The following NHSL1 variants were observed in gnomAD, a reference collection of about 807,000 sequenced individuals.
NHSL1 encodes NHS-like protein 1.
Under a neutral mutation model 95.0 loss-of-function variants are expected in NHSL1, and 48 were observed. The observed-to-expected ratio is 0.51, with a 90% CI of 0.40 to 0.64. NHSL1 has a LOEUF of 0.64. Among genes scored for constraint, NHSL1 ranks in the 30% least tolerant of loss-of-function variants. NHSL1 has a pLI of 0.00. For synonymous variants in NHSL1, 783 were observed against 833.9 expected, an observed-to-expected ratio of 0.94 and a Z score of 1.05; for missense variants, 1,971 against 2,077.7, an observed-to-expected ratio of 0.95 and a Z score of 1.00.
At chr6:138,538,063 G>A (rs1031213934) in intron 1 of NHSL1, among the ~76,000 whole-genome samples, 3 of 152,106 alleles carry the variant, frequency 2.0e-5, no homozygotes, top group Non-Finnish European at 2.9e-5. Flanking sequence ...TCAAAATGTC[G>A]ACAAATCTTG....
intron 1 of NHSL1, among the ~76,000 whole-genome samples, chr6:138,599,719 G>T (rs1242900825): frequency 1.3e-5 from 2 of 152,154 alleles, no homozygotes; most frequent in Non-Finnish European, 2.9e-5. Context: ...CTCAAGGCAA[G>T]ATCTCAGGCA....
chr6:138,651,671 C>T (rs576598812), intron 1 of NHSL1, among the ~76,000 whole-genome samples: 3 of 152,298 alleles, frequency 2.0e-5, no homozygotes, highest in African/African-American at 7.2e-5. Context: ...GAAGGATCTC[C>T]TGTCTGACAA....
chr6:138,492,238 G>T (rs1583296130), intron 2 of NHSL1, among the ~76,000 whole-genome samples: 1 of 152,208 alleles, frequency 6.6e-6, no homozygotes, highest in Admixed American at 6.5e-5. Context: ...AGGAGGGAGT[G>T]GGGGAGTGAG....
chr6:138,495,162 A>C (rs945253929), intron 2 of NHSL1, among the ~76,000 whole-genome samples: 1 of 152,078 alleles, frequency 6.6e-6, no homozygotes, highest in Non-Finnish European at 1.5e-5. Context: ...AGAATGGCTC[A>C]AACCTGGGAG....
upstream of NHSL1, among the ~76,000 whole-genome samples, chr6:138,549,370 C>G (rs988490437): frequency 6.6e-6 from 1 of 152,026 alleles, no homozygotes; most frequent in Non-Finnish European, 1.5e-5. Flanking sequence ...GCAACAAGAG[C>G]AAACCTCTGT....
In NHSL1 at chr6:138,450,932, G is replaced by T. The variant is rs116742789; in HGVS notation, c.340-3739C>A. On this transcript the variant is annotated intron_variant, in intron 3 of 7. Coordinates refer to ENST00000343505, the MANE Select transcript of NHSL1 (RefSeq NM_001144060.2). ...CATTAAGATGGACATAGTAATACCG[G>T]ATTATTACACTGGCCTCTTAACTAC... is the stretch of plus-strand genomic sequence containing the variant. 5.5e-3 allele frequency among the ~76,000 whole-genome samples: 833 copies of T among 152,188 alleles called. 2 individuals carry two copies. Among genetic ancestry groups the T allele is most frequent in the African/African-American group, 0.018 (758 of 41,532 alleles).
At chr6:138,547,125 T>C (rs1782830520), upstream of NHSL1, among the ~76,000 whole-genome samples, 1 of 152,186 alleles carries the variant, frequency 6.6e-6, no homozygotes, top group African/African-American at 2.4e-5. Flanking sequence ...GGGTGCTCAC[T>C]GCCACACAGT....
At chr6:138,472,598 T>A (rs1778822996) in intron 3 of NHSL1, among the ~76,000 whole-genome samples, 1 of 152,160 alleles carries the variant, frequency 6.6e-6, no homozygotes, top group Non-Finnish European at 1.5e-5. Context: ...AAATCTTATT[T>A]TAAGTAATTC....
At chr6:138,577,967 G>C (rs1583431067) in intron 1 of NHSL1, among the ~76,000 whole-genome samples, 1 of 152,256 alleles carries the variant, frequency 6.6e-6, no homozygotes, top group East Asian at 1.9e-4. Context: ...TGAAACAAGT[G>C]ATTGTACTCT....
intron 1 of NHSL1, among the ~76,000 whole-genome samples, chr6:138,629,443 C>T (rs1028512626): frequency 9.9e-5 from 15 of 151,214 alleles, no homozygotes; most frequent in Non-Finnish European, 2.9e-5. Context: ...AGTGCAGTGT[C>T]GCGATCTCGG....
At chr6:138,524,190 A>G (rs1781807064) in intron 1 of NHSL1, among the ~76,000 whole-genome samples, 1 of 152,250 alleles carries the variant, frequency 6.6e-6, no homozygotes, top group Non-Finnish European at 1.5e-5. Context: ...AGCCCCACAC[A>G]GGCTCACACA....
intron 1 of NHSL1, among the ~76,000 whole-genome samples, chr6:138,652,855 T>C (rs1319096997): frequency 6.6e-6 from 1 of 152,242 alleles, no homozygotes; most frequent in Non-Finnish European, 1.5e-5. Flanking sequence ...TCCATCACTT[T>C]TTAAAATTTT....
chr6:138,606,702 CTTTT>C (rs777156294), intron 1 of NHSL1, among the ~76,000 whole-genome samples: 31 of 123,392 alleles, frequency 2.5e-4, no homozygotes, highest in Middle Eastern at 4.4e-3. Context: ...TTCTTTCTTT[CTTTT>C]TTTTTTTTTT....
chr6:138,546,283 C>T (rs1007046600), upstream of NHSL1, among the ~76,000 whole-genome samples: 2 of 151,980 alleles, frequency 1.3e-5, no homozygotes, highest in South Asian at 2.1e-4. Context: ...GCTATCATTA[C>T]TACTACATAC....
At chr6:138,668,616 A>ATTT (rs940527753) in intron 1 of NHSL1, among the ~76,000 whole-genome samples, 1 of 149,404 alleles carries the variant, frequency 6.7e-6, no homozygotes, top group African/African-American at 2.5e-5. Context: ...AAAACAAGAA[A>ATTT]TTTTTTTTTC....
chr6:138,613,025 G>T (rs1353138977), intron 1 of NHSL1, among the ~76,000 whole-genome samples: 2 of 152,244 alleles, frequency 1.3e-5, no homozygotes, highest in Admixed American at 6.5e-5. Flanking sequence ...AGTAGAAAAA[G>T]ATTTCAAGCA....
intron 1 of NHSL1, among the ~76,000 whole-genome samples, chr6:138,559,674 T>C (rs1177969393): frequency 6.6e-6 from 1 of 152,296 alleles, no homozygotes; most frequent in East Asian, 1.9e-4. Context: ...AAAAAAGCTA[T>C]GTGATACACA....
rs1454161632 is a variant in NHSL1 at position 138,489,777 on chromosome 6, A to AG, written c.211+6441_211+6442insC. Among the ~76,000 whole-genome samples the AG allele has an allele frequency of 2.1e-3, 295 of 142,326 alleles. 2 individuals are homozygous for AG. The highest frequency in any genetic ancestry group is 7.5e-3 in the African/African-American group (288 of 38,186). The allele number at this position is 142,326 out of a possible 152,430, so 93.4% of individuals were successfully genotyped here. A position where few individuals can be genotyped will look rare whatever the true frequency, so the allele number is the denominator to read the frequency against. On this transcript the variant is annotated intron_variant, in intron 2 of 7. Coordinates refer to ENST00000343505, the MANE Select transcript of NHSL1 (RefSeq NM_001144060.2). ...ACCCTGTCTCAAAAAAAAAAAAAAA[A>AG]AGAGAGAAAGAAAGAAAGAAAGAAG...
intron 1 of NHSL1, among the ~76,000 whole-genome samples, chr6:138,514,080 G>C (rs1781350535): frequency 6.6e-6 from 1 of 152,142 alleles, no homozygotes; most frequent in African/African-American, 2.4e-5. Context: ...ACTTTGGGAG[G>C]CCAAGGCGGG....
Sources: gnomAD v4.1 joint callset for allele counts (sites outside exome capture counted in the v4.1 genomes callset) on GRCh38, gnomAD v4.1.1 for gene constraint, MANE v1.5 for transcripts, NCBI Gene and HGNC (gene_info 2026-07-23, HGNC 2026-07-21) for gene names.